The following ZNF41 variants were observed in gnomAD, a reference collection of about 807,000 sequenced individuals.
The protein encoded by ZNF41 is zinc finger protein 41.
ZNF41 carries 6 observed loss-of-function variants against 9.3 expected under a neutral mutation model. The ratio of observed to expected loss-of-function variants is 0.65; its 90% CI spans 0.35 to 1.28. ZNF41 has a LOEUF of 1.28. Ranked by LOEUF, ZNF41 falls within the 50% of genes most tolerant of loss-of-function variation. ZNF41 has a pLI of 0.03. For missense variants in ZNF41, 523 were observed against 585.8 expected (o/e 0.89, Z 1.11); for synonymous variants, 192 against 207.1 (o/e 0.93, Z 0.63).
At chrX:47,471,961 C>T in intron 1 of ZNF41, among the ~76,000 whole-genome samples, 1 of 111,449 alleles carries the variant, frequency 9.0e-6, no homozygotes, top group East Asian at 2.8e-4. Context: ...ATAATCCCAC[C>T]AGAAATTGCC....
chrX:47,467,230 G>A (rs1260631384), intron 2 of ZNF41, 180 bp downstream of exon 2: 2 of 1,003,031 alleles, frequency 2.0e-6, no homozygotes, highest in Non-Finnish European at 2.7e-6. Context: ...TTTGGATGTG[G>A]CCTCATCAGC....
At position 47,445,334 on chromosome X, in the gene ZNF41, T is replaced by G. The variant is rs1385622317; in HGVS notation, c.*2096A>C. Among the ~76,000 whole-genome samples, 1 of 111,781 alleles carries G rather than the reference T, an allele frequency of 8.9e-6. No individual in the cohort carries two copies. The highest frequency in any genetic ancestry group is 3.3e-5 in the African/African-American group (1 of 30,744). On this transcript the variant is annotated 3_prime_UTR_variant, in exon 5 of 5. Coordinates refer to ENST00000684689, the MANE Select transcript of ZNF41 (RefSeq NM_001324144.2). ...AGAAACCGGAAACCTCATACATTGA[T>G]AGAATGTAAAATGGTGCAGTCATGT...
In ZNF41 at chrX:47,447,898, C is replaced by G. The variant is rs778701269; in HGVS notation, c.1872G>C (p.Ala624=). The G allele has an allele frequency of 8.3e-7, 1 of 1,211,078 alleles. No individual in the cohort carries two copies. The highest frequency in any genetic ancestry group is 3.0e-5 in the East Asian group (1 of 33,789). Residue 624 remains alanine (A), a synonymous_variant, in exon 5 of 5, where the codon GCG becomes GCC. Transcript: ENST00000684689. The part of the protein sequence containing the change: ...KAFIQKSHFI[A]HHRIHTGEKP... ...TCTCTCCAGTATGGATTCTATGATGCGCAATGAAGTGCGATTTCTGGATAA... is the reference window on the plus strand; with the variant it reads ...TCTCTCCAGTATGGATTCTATGATGGGCAATGAAGTGCGATTTCTGGATAA...
rs760607592 is a variant in ZNF41 at position 47,449,241 on chromosome X, G to T, written c.529C>A (p.His177Asn). The T allele has an allele frequency of 5.0e-6, 6 of 1,209,394 alleles. No individual in the cohort carries two copies. The highest frequency in any genetic ancestry group is 2.2e-5 in the Admixed American group (1 of 45,617). The change falls in exon 5 of 5, where the codon CAT becomes AAT. Residue 177 changes from histidine (H) to asparagine (N), a missense_variant. Physicochemically the swap from His to Asn is moderately conservative, Grantham distance 68. Coordinates refer to ENST00000684689, the MANE Select transcript of ZNF41 (RefSeq NM_001324144.2). ...YEHKNIEKII[H>N]VTTKLVPSIK... is the part of the protein sequence containing the mutation. ...GAAGGAACAAGCTTGGTAGTCACAT[G>T]AATTATTTTTTCAATGTTTTTATGT...
intron 4 of ZNF41, among the ~76,000 whole-genome samples, chrX:47,453,572 G>A (rs2147535971): frequency 8.9e-6 from 1 of 112,186 alleles, no homozygotes; most frequent in South Asian, 3.7e-4. Flanking sequence ...ATGTGGCCAT[G>A]TTGTTTATTT....
chrX:47,460,507 T>C (rs1235876457), intron 2 of ZNF41, among the ~76,000 whole-genome samples: 25 of 111,424 alleles, frequency 2.2e-4, no homozygotes, highest in Non-Finnish European at 3.8e-5. Flanking sequence ...ATCTCCAACA[T>C]ACATTATCAA....
Position 47,448,818 on chromosome X carries a change from G to A in ZNF41, c.952C>T (p.Pro318Ser). The A allele has an allele frequency of 1.7e-6, 2 of 1,211,580 alleles. No individual in the cohort carries two copies. The highest frequency in any genetic ancestry group is 3.5e-5 in the South Asian group (2 of 57,013). The change falls in exon 5 of 5, where the codon CCA becomes TCA. Residue 318 changes from proline to serine, a missense_variant. Physicochemically the swap from Pro to Ser is moderately conservative, Grantham distance 74. Coordinates refer to ENST00000684689, the MANE Select transcript of ZNF41 (RefSeq NM_001324144.2). ...FPQKPQVDVH[P>S]SVYTGEKPYL... ...GGTTTTTCTCCTGTATAAACACTTG[G>A]ATGTACATCAACCTGGGGTTTCTGG... is the stretch of plus-strand genomic sequence containing the variant.
chrX:47,467,672 T>A lies in ZNF41; in HGVS notation c.-191A>T. On this transcript the variant is annotated 5_prime_UTR_variant, in exon 2 of 5. Transcript: ENST00000684689. ...ACTCTGCAGAGGCTCCAAGAAACCCTGGAAAGACAGTGTCCACATGGTCAT... is the reference window on the plus strand; with the variant it reads ...ACTCTGCAGAGGCTCCAAGAAACCCAGGAAAGACAGTGTCCACATGGTCAT... 2.1e-6 allele frequency: 1 copy of A among 470,145 alleles called. No individual in the cohort carries two copies. Among genetic ancestry groups the A allele is most frequent in the Non-Finnish European group, 3.6e-6 (1 of 277,630 alleles). The allele number at this position is 470,145 out of a possible 1,213,427, so 38.7% of individuals were successfully genotyped here. A position where few individuals can be genotyped will look rare whatever the true frequency, so the allele number is the denominator to read the frequency against.
chrX:47,473,029 A>G (rs773068356), intron 1 of ZNF41, among the ~76,000 whole-genome samples: 1 of 107,560 alleles, frequency 9.3e-6, no homozygotes, highest in Non-Finnish European at 1.9e-5. Flanking sequence ...CCTACAAAAA[A>G]AATTTTTTTT....
At chrX:47,457,421 AAAG>A (rs1302082731) in intron 2 of ZNF41, among the ~76,000 whole-genome samples, 1 of 111,470 alleles carries the variant, frequency 9.0e-6, no homozygotes, top group African/African-American at 3.3e-5. Flanking sequence ...AAAAAAAAAA[AAAG>A]GATTGATCAC....
intron 1 of ZNF41, among the ~76,000 whole-genome samples, chrX:47,481,738 TTTATA>T (rs1421037224): frequency 1.8e-5 from 2 of 112,060 alleles, no homozygotes; most frequent in Non-Finnish European, 3.8e-5. Flanking sequence ...AAACTGAATG[TTTATA>T]TTATAAAATA....
In ZNF41 at chrX:47,447,868, A is replaced by C. The variant is rs747515175; in HGVS notation, c.1902T>G (p.Pro634=). ...ATTTCCCACAGTCGCTGCATTCATA[A>C]GGCTTCTCTCCAGTATGGATTCTAT... ...AHHRIHTGEK[P]YECSDCGKCF... The change falls in exon 5 of 5, where the codon CCT becomes CCG. Residue 634 remains proline, a synonymous_variant. Coordinates refer to ENST00000684689, the MANE Select transcript of ZNF41 (RefSeq NM_001324144.2). The C allele has an allele frequency of 7.4e-6, 9 of 1,210,472 alleles. No homozygotes were observed. The highest frequency in any genetic ancestry group is 1.0e-5 in the Non-Finnish European group (9 of 895,025).
chrX:47,469,289 C>T (rs1419071372), intron 1 of ZNF41, among the ~76,000 whole-genome samples: 4 of 73,608 alleles, frequency 5.4e-5, no homozygotes, highest in African/African-American at 1.1e-4. Flanking sequence ...CCAGCCTGGG[C>T]GACAGAGCGA....
intron 4 of ZNF41, among the ~76,000 whole-genome samples, chrX:47,449,893 TGAGTA>T (rs1322306447): frequency 9.0e-6 from 1 of 111,624 alleles, no homozygotes; most frequent in African/African-American, 3.3e-5. Flanking sequence ...GCCTGGATTG[TGAGTA>T]GAGTAACCAG....
rs983419837 is a variant in ZNF41 at position 47,446,613 on chromosome X, T to C, written c.*817A>G. The C allele has an allele frequency of 1.0e-4, 11 of 109,711 alleles. No homozygotes were observed. The highest frequency in any genetic ancestry group is 6.6e-5 in the African/African-American group (2 of 30,167). The allele number at this position is 109,711 out of a possible 1,213,427, so 9.0% of individuals were successfully genotyped here. A position where few individuals can be genotyped will look rare whatever the true frequency, so the allele number is the denominator to read the frequency against. The stretch of plus-strand genomic sequence containing the variant: ...TATGCAAATGACAGCTTTGGGGACA[T>C]AGGTTAGAAGGCATGCATACTTCTT... On this transcript the variant is annotated 3_prime_UTR_variant, in exon 5 of 5. Transcript: ENST00000684689.
chrX:47,449,343 G>A lies in ZNF41; in HGVS notation c.427C>T (p.Gln143Ter), dbSNP rs2147484782. 2 of 1,211,278 alleles carry A rather than the reference G, an allele frequency of 1.7e-6. No homozygotes were observed. Among genetic ancestry groups the A allele is most frequent in the East Asian group, 5.9e-5 (2 of 33,845 alleles). Residue 143 changes from glutamine to a stop codon, truncating the protein, a stop_gained, in exon 5 of 5, where the codon CAG becomes TAG. Coordinates refer to ENST00000684689, the MANE Select transcript of ZNF41 (RefSeq NM_001324144.2). LOFTEE classifies it low-confidence loss of function (END_TRUNC). ...ILEELWQDNDQLEQRQENQNN... is the reference protein window; with the variant it reads ...ILEELWQDND ...TGGTTTTCCTGACGTTGCTCTAGCT[G>A]GTCATTATCTTGCCACAGTTCTTCT...
chrX:47,469,532 T>C (rs1409368922), intron 1 of ZNF41, among the ~76,000 whole-genome samples: 3 of 110,459 alleles, frequency 2.7e-5, no homozygotes, highest in Non-Finnish European at 5.7e-5. Flanking sequence ...AGAAAAACAA[T>C]GTAATTGGGC....
chrX:47,459,742 T>TAAAAAAAAAAAAAAAAAAAAAA (rs768291943), intron 2 of ZNF41, among the ~76,000 whole-genome samples: 1 of 16,156 alleles, frequency 6.2e-5, no homozygotes, highest in African/African-American at 2.5e-4. Context: ...AGACCCTATC[T>TAAAAAAAAAAAAAAAAAAAAAA]AAAAAAAAAA....
At chrX:47,467,387 T>C in intron 2 of ZNF41, 23 bp downstream of exon 2, 1 of 1,174,852 alleles carries the variant, frequency 8.5e-7, no homozygotes. Flanking sequence ...AATTCTTGCC[T>C]CTGGGGTCCT....
Sources: gnomAD v4.1 joint callset for allele counts (sites outside exome capture counted in the v4.1 genomes callset) on GRCh38, gnomAD v4.1.1 for gene constraint, MANE v1.5 for transcripts, NCBI Gene and HGNC (gene_info 2026-07-23, HGNC 2026-07-21) for gene names.